The following PLA2G6 variants were observed in gnomAD, a reference collection of about 807,000 sequenced individuals.
PLA2G6 encodes phospholipase A2 group VI.
In PLA2G6, 62 loss-of-function variants were observed where a neutral mutation model predicts 83.8. That is an observed-to-expected ratio of 0.74 (90% CI 0.60 to 0.91). The LOEUF (loss-of-function observed/expected upper bound fraction) is 0.91. PLA2G6 is among the 40% of genes least tolerant of loss of function. PLA2G6 has a pLI of 0.00. For missense variants in PLA2G6, 944 were observed against 1,102.0 expected, an observed-to-expected ratio of 0.86 and a Z score of 2.03; for synonymous variants, 417 against 449.8, an observed-to-expected ratio of 0.93 and a Z score of 0.92.
intron 2 of PLA2G6, among the ~76,000 whole-genome samples, chr22:38,158,663 T>C (rs1239034435): frequency 6.6e-6 from 1 of 152,214 alleles, no homozygotes; most frequent in East Asian, 1.9e-4. Flanking sequence ...TGTTCATATT[T>C]GCTTTATGGC....
intron 2 of PLA2G6, among the ~76,000 whole-genome samples, chr22:38,152,266 T>C (rs547724483): frequency 1.3e-5 from 2 of 152,042 alleles, no homozygotes; most frequent in Non-Finnish European, 2.9e-5. Flanking sequence ...GCCCAGGTGA[T>C]CTTGGCTCAC....
intron 3 of PLA2G6, chr22:38,144,632 C>CAAAAAA (rs5845371): frequency 3.2e-5 from 1 of 30,948 alleles, no homozygotes; most frequent in Admixed American, 5.0e-4. Flanking sequence ...GACTCCGTCT[C>CAAAAAA]AAAAAAAAAA....
Position 38,129,454 on chromosome 22 carries a change from G to C in PLA2G6, c.1186C>G (p.Leu396Val), listed in dbSNP as rs778423680. 2 of 1,600,296 alleles carry C rather than the reference G, an allele frequency of 1.2e-6. No homozygotes were observed. The highest frequency in any genetic ancestry group is 8.6e-7 in the Non-Finnish European group (1 of 1,167,436). ...CAGCCCCAGAGTGCAGAGCACATAC[G>C]TCTGCCGATTTTGGAGGCTAGGAAT... ...PTFLASKIGRLVTRKAILTLL... is the reference protein window; with the variant it reads ...PTFLASKIGRVVTRKAILTLL... Residue 396 changes from leucine (L) to valine (V), a missense_variant and splice_region_variant, in exon 8 of 17, where the codon CTT becomes GTT. Coordinates refer to ENST00000332509, the MANE Select transcript of PLA2G6 (RefSeq NM_003560.4).
chr22:38,134,975 A>C lies in PLA2G6; in HGVS notation c.894+13T>G. The C allele has an allele frequency of 7.5e-7, 1 of 1,335,482 alleles. No individual in the cohort carries two copies. The highest frequency in any genetic ancestry group is 1.1e-6 in the Non-Finnish European group (1 of 949,526). The allele number at this position is 1,335,482 out of a possible 1,614,324, so 82.7% of individuals were successfully genotyped here. On this transcript the variant is annotated intron_variant, in intron 6 of 16. Transcript: ENST00000332509. Reference sequence around the variant, plus strand: ...GCCCCCTGCCCCACCCACCCACCTCAGGATCCACTCACCTCTGCGTTCTTG... The same window carrying C: ...GCCCCCTGCCCCACCCACCCACCTCCGGATCCACTCACCTCTGCGTTCTTG...
chr22:38,171,067 G>T (rs2090418390), intron 1 of PLA2G6, among the ~76,000 whole-genome samples: 1 of 151,752 alleles, frequency 6.6e-6, no homozygotes, highest in African/African-American at 2.4e-5. Flanking sequence ...AGCTACTTGG[G>T]AGGCTGAGGC....
intron 2 of PLA2G6, chr22:38,163,686 CAA>C (rs1218167741): frequency 5.9e-6 from 1 of 169,548 alleles, no homozygotes; most frequent in East Asian, 1.9e-4. Context: ...GAAGCAAGGG[CAA>C]AGAGGCCGTG....
At chr22:38,168,036 G>C in intron 2 of PLA2G6, 1 of 169,330 alleles carries the variant, frequency 5.9e-6, no homozygotes. Context: ...TCCAGACGCA[G>C]AGTAGCTCTC....
intron 2 of PLA2G6, among the ~76,000 whole-genome samples, chr22:38,163,840 T>C (rs1278870563): frequency 6.6e-6 from 1 of 151,952 alleles, no homozygotes; most frequent in African/African-American, 2.4e-5. Context: ...GAGGACTGAA[T>C]GGATGGAGGA....
At chr22:38,157,458 G>A (rs1375805644) in intron 2 of PLA2G6, among the ~76,000 whole-genome samples, 2 of 152,138 alleles carry the variant, frequency 1.3e-5, no homozygotes, top group East Asian at 3.9e-4. Flanking sequence ...GATCAAAGCT[G>A]TAATGAAAAG....
At chr22:38,142,647 TA>T (rs1330192378) in intron 4 of PLA2G6, 22 of 257,766 alleles carry the variant, frequency 8.5e-5, no homozygotes, top group Non-Finnish European at 1.6e-4. Flanking sequence ...CATAATGTTT[TA>T]AGAAAGTTTG....
intron 12 of PLA2G6, among the ~76,000 whole-genome samples, chr22:38,120,350 T>C: frequency 6.6e-6 from 1 of 152,218 alleles, no homozygotes; most frequent in Non-Finnish European, 1.5e-5. Context: ...GCCGTGTCAT[T>C]TGAAAGGCCA....
At position 38,164,998 on chromosome 22, in the gene PLA2G6, C is replaced by T. The variant is rs367825320; in HGVS notation, c.209+4220G>A. 4.3e-4 allele frequency among the ~76,000 whole-genome samples: 65 copies of T among 152,160 alleles called. No homozygotes were observed. The East Asian group carries it at 9.1e-3, about 21-fold the overall frequency. ...CAGCCTCGACCCCACCCCACCCCATCGCAGCCCTCACTCCAGGTCACAGCC... is the reference window on the plus strand; with the variant it reads ...CAGCCTCGACCCCACCCCACCCCATTGCAGCCCTCACTCCAGGTCACAGCC... On this transcript the variant is annotated intron_variant, in intron 2 of 16. Coordinates refer to ENST00000332509, the MANE Select transcript of PLA2G6 (RefSeq NM_003560.4).
At chr22:38,164,078 G>A (rs888536542) in intron 2 of PLA2G6, among the ~76,000 whole-genome samples, 3 of 152,144 alleles carry the variant, frequency 2.0e-5, no homozygotes, top group Admixed American at 1.3e-4. Flanking sequence ...AATGTCATCT[G>A]TTACAAGTCA....
In PLA2G6 at chr22:38,134,978, A is replaced by T; in HGVS notation, c.894+10T>A. On this transcript the variant is annotated intron_variant, in intron 6 of 16. Transcript: ENST00000332509. ...CCCTGCCCCACCCACCCACCTCAGGATCCACTCACCTCTGCGTTCTTGGCC... is the reference window on the plus strand; with the variant it reads ...CCCTGCCCCACCCACCCACCTCAGGTTCCACTCACCTCTGCGTTCTTGGCC... 3.3e-6 allele frequency: 2 copies of T among 598,110 alleles called. No homozygotes were observed. The highest frequency in any genetic ancestry group is 6.2e-6 in the Non-Finnish European group (2 of 321,372). 37.1% of individuals were successfully genotyped at this position (598,110 alleles called of 1,614,324 possible).
At chr22:38,118,806 T>G (rs1161336321) in intron 12 of PLA2G6, among the ~76,000 whole-genome samples, 2 of 151,666 alleles carry the variant, frequency 1.3e-5, no homozygotes, top group East Asian at 3.9e-4. Flanking sequence ...CAGGCTGGAG[T>G]GCAGTGATGG....
At chr22:38,156,705 G>A (rs1055715803) in intron 2 of PLA2G6, among the ~76,000 whole-genome samples, 5 of 151,896 alleles carry the variant, frequency 3.3e-5, no homozygotes, top group South Asian at 2.1e-4. Context: ...TGCCTGCCTC[G>A]GCCTCCCAAA....
intron 1 of PLA2G6, among the ~76,000 whole-genome samples, chr22:38,177,514 G>A (rs938523410): frequency 2.7e-5 from 4 of 147,580 alleles, no homozygotes; most frequent in Non-Finnish European, 4.4e-5. Flanking sequence ...CCAAGCTGGA[G>A]TGCAATGGCG....
At chr22:38,122,996 T>C in intron 11 of PLA2G6, 99 bp downstream of exon 11, 1 of 1,186,764 alleles carries the variant, frequency 8.4e-7, no homozygotes, top group Non-Finnish European at 1.2e-6. Context: ...CCTCCTCTAC[T>C]CCTCCACTCT....
intron 1 of PLA2G6, among the ~76,000 whole-genome samples, chr22:38,170,378 C>G (rs970251820): frequency 6.6e-6 from 1 of 151,916 alleles, no homozygotes; most frequent in Non-Finnish European, 1.5e-5. Context: ...CAAAGAGCTC[C>G]GAGAGACAGC....
Sources: allele counts gnomAD v4.1 joint callset (sites outside exome capture counted in the v4.1 genomes callset), GRCh38; gene constraint gnomAD v4.1.1; transcripts MANE v1.5; gene names NCBI Gene and HGNC (gene_info 2026-07-23, HGNC 2026-07-21).